Variants in CEP135 observed in about 807,000 individuals in gnomAD.
The protein encoded by CEP135 is centrosomal protein 135.
CEP135 carries 142 observed loss-of-function variants against 157.3 expected under a neutral mutation model. That is an observed-to-expected ratio of 0.90 (90% CI 0.79 to 1.04). CEP135 has a LOEUF of 1.04. Ranked by LOEUF, CEP135 falls within the 50% of genes least tolerant of loss-of-function variation. The probability of loss-of-function intolerance (pLI) is 0.00; values close to 1 mark genes in which losing one functional copy is unlikely to be tolerated. For synonymous variants in CEP135, 396 were observed against 439.8 expected, an observed-to-expected ratio of 0.90 and a Z score of 1.25; for missense variants, 1,317 against 1,309.2, an observed-to-expected ratio of 1.01 and a Z score of -0.09.
chr4:56,023,222 A>AC (rs199723032), intron 24 of CEP135, among the ~76,000 whole-genome samples: 5 of 110,278 alleles, frequency 4.5e-5, no homozygotes, highest in East Asian at 2.7e-4. Context: ...TCCCTGTCAC[A>AC]AAAAAAAAAA....
intron 21 of CEP135, among the ~76,000 whole-genome samples, chr4:56,016,586 T>C (rs1730782219): frequency 6.6e-6 from 1 of 152,226 alleles, no homozygotes; most frequent in African/African-American, 2.4e-5. Flanking sequence ...GGAGCTTTTA[T>C]TAATGCACTA....
At chr4:56,001,581 T>C (rs2109716779) in intron 17 of CEP135, among the ~76,000 whole-genome samples, 1 of 152,288 alleles carries the variant, frequency 6.6e-6, no homozygotes, top group South Asian at 2.1e-4. Context: ...TGTGGATTTA[T>C]ATCTGGGTCC....
At position 56,024,544 on chromosome 4, in the gene CEP135, C is replaced by T. The variant is rs747031196; in HGVS notation, c.3364C>T (p.Pro1122Ser). Residue 1122 changes from proline to serine, a missense_variant, in exon 25 of 26, where the codon CCA becomes TCA. Physicochemically the swap from Pro to Ser is moderately conservative, Grantham distance 74. Transcript: ENST00000257287. ...QEMRRHGLAT[P>S]PLSSTLRSPS... is the part of the protein sequence containing the mutation. ...GATGCGTCGACATGGTCTTGCTACA[C>T]CACCCCTTAGTTCCACTCTGAGGTC... is the stretch of plus-strand genomic sequence containing the variant. 6.2e-7 allele frequency: 1 copy of T among 1,613,938 alleles called. No individual in the cohort carries two copies. The highest frequency in any genetic ancestry group is 2.2e-5 in the East Asian group (1 of 44,850).
chr4:56,014,396 A>G (rs1730699400), intron 21 of CEP135, among the ~76,000 whole-genome samples: 1 of 152,176 alleles, frequency 6.6e-6, no homozygotes, highest in African/African-American at 2.4e-5. Context: ...TGTGATGAAG[A>G]CTCAGAAGAG....
At chr4:56,004,093 T>G (rs974989695) in intron 17 of CEP135, among the ~76,000 whole-genome samples, 2 of 152,218 alleles carry the variant, frequency 1.3e-5, no homozygotes, top group African/African-American at 4.8e-5. Flanking sequence ...TTTCACAGAT[T>G]TTGGTACATT....
chr4:55,993,983 G>T (rs959385023), intron 15 of CEP135, among the ~76,000 whole-genome samples: 1 of 152,030 alleles, frequency 6.6e-6, no homozygotes, highest in Non-Finnish European at 1.5e-5. Flanking sequence ...ACTTTATTTT[G>T]CTCTAACAGA....
chr4:55,990,953 A>C (rs1169255087), intron 14 of CEP135, among the ~76,000 whole-genome samples: 1 of 152,004 alleles, frequency 6.6e-6, no homozygotes, highest in Non-Finnish European at 1.5e-5. Flanking sequence ...TTTGTATGTG[A>C]AATCTTCACT....
At chr4:55,959,955 A>C (rs1226649552) in intron 6 of CEP135, 189 bp downstream of exon 6, 3 of 613,138 alleles carry the variant, frequency 4.9e-6, no homozygotes, top group African/African-American at 3.7e-5. Context: ...CTGTCTCTTC[A>C]AAAAATTTAA....
chr4:55,981,861 C>T (rs899005726), intron 13 of CEP135, among the ~76,000 whole-genome samples: 1 of 152,146 alleles, frequency 6.6e-6, no homozygotes, highest in South Asian at 2.1e-4. Context: ...AAATGTAAGT[C>T]GGAAAAAATG....
At chr4:55,974,262 T>C (rs1337904586) in intron 10 of CEP135, among the ~76,000 whole-genome samples, 1 of 152,216 alleles carries the variant, frequency 6.6e-6, no homozygotes, top group African/African-American at 2.4e-5. Flanking sequence ...ATTGCCAGTA[T>C]TTGATTACTT....
intron 25 of CEP135, among the ~76,000 whole-genome samples, chr4:56,025,021 C>A (rs969574133): frequency 7.2e-5 from 11 of 151,932 alleles, no homozygotes; most frequent in Non-Finnish European, 1.6e-4. Context: ...CACCTGTAGT[C>A]CCAGGTACCA....
At position 55,999,655 on chromosome 4, in the gene CEP135, C is replaced by A. The variant is rs534671581; in HGVS notation, c.2280+10C>A. 1.9e-6 allele frequency: 3 copies of A among 1,577,726 alleles called. No individual in the cohort carries two copies. The South Asian group carries it at 3.5e-5, about 19-fold the overall frequency. On this transcript the variant is annotated intron_variant, in intron 17 of 25. Transcript: ENST00000257287. ...AAACCTAGCTAATAAAGTATGTGAT[C>A]GTTTAATGTAATTTTCCAGCATCCA... is the stretch of plus-strand genomic sequence containing the variant.
In CEP135 at chr4:55,986,378, C is replaced by CA. The variant is rs201911255; in HGVS notation, c.1857+1026dup. Among the ~76,000 whole-genome samples, 772 of 152,120 alleles carry CA rather than the reference C, an allele frequency of 5.1e-3. 9 individuals carry two copies. Among genetic ancestry groups the CA allele is most frequent in the African/African-American group, 0.018 (727 of 41,504 alleles). ...GTAAGATAGTGATACCCCATCTCTA[C>CA]AAAAAATTTACAAATTGGCCAGGCA... On this transcript the variant is annotated intron_variant, in intron 14 of 25. Coordinates refer to ENST00000257287, the MANE Select transcript of CEP135 (RefSeq NM_025009.5).
At position 55,975,566 on chromosome 4, in the gene CEP135, A is replaced by G. The variant is rs1729176494; in HGVS notation, c.1473+597A>G. On this transcript the variant is annotated intron_variant, in intron 11 of 25. Transcript: ENST00000257287. ...GCATCTCCCAATGTGTGTATTATTTAAAGTTGACCATGATTCATGAGAGAT... is the reference window on the plus strand; with the variant it reads ...GCATCTCCCAATGTGTGTATTATTTGAAGTTGACCATGATTCATGAGAGAT... Among the ~76,000 whole-genome samples, 5 of 152,228 alleles carry G rather than the reference A, an allele frequency of 3.3e-5. No homozygotes were observed. The South Asian group carries it at 1.0e-3, about 31-fold the overall frequency.
Position 56,032,537 on chromosome 4 carries a change from C to G in CEP135, c.*1189C>G, listed in dbSNP as rs1731391631. 6.6e-6 allele frequency: 1 copy of G among 151,862 alleles called. No homozygotes were observed. Among genetic ancestry groups the G allele is most frequent in the Non-Finnish European group, 1.5e-5 (1 of 67,970 alleles). 9.4% of individuals were successfully genotyped at this position (151,862 alleles called of 1,614,324 possible). A position where few individuals can be genotyped will look rare whatever the true frequency, so the allele number is the denominator to read the frequency against. Reference sequence around the variant, plus strand: ...ATTCAGTGATACCACTCTTTTTCTTCTAAGCCTGTGTGTTATAATTTACCA... The same window carrying G: ...ATTCAGTGATACCACTCTTTTTCTTGTAAGCCTGTGTGTTATAATTTACCA... On this transcript the variant is annotated 3_prime_UTR_variant, in exon 26 of 26. Transcript: ENST00000257287.
chr4:55,993,466 T>C (rs955474123), intron 15 of CEP135, among the ~76,000 whole-genome samples: 4 of 152,348 alleles, frequency 2.6e-5, no homozygotes, highest in Admixed American at 6.5e-5. Flanking sequence ...TTCTTTTGCT[T>C]CTCTGACGAT....
At chr4:55,996,921 A>C (rs1729988667) in intron 15 of CEP135, among the ~76,000 whole-genome samples, 1 of 152,178 alleles carries the variant, frequency 6.6e-6, no homozygotes, top group Admixed American at 6.5e-5. Context: ...CATGTAATAC[A>C]ATATAACTGA....
chr4:55,960,475 T>C (rs1179361577), intron 6 of CEP135: 3 of 152,284 alleles, frequency 2.0e-5, no homozygotes, highest in Admixed American at 6.5e-5. Context: ...TTTCTTAATA[T>C]GCTTCTTGAA....
At chr4:56,023,650 A>G (rs1731043304) in intron 24 of CEP135, among the ~76,000 whole-genome samples, 1 of 143,932 alleles carries the variant, frequency 6.9e-6, no homozygotes, top group Non-Finnish European at 1.5e-5. Context: ...TATATAATAC[A>G]TATAATATAT....
Sources: gnomAD v4.1 joint callset for allele counts (sites outside exome capture counted in the v4.1 genomes callset) on GRCh38, gnomAD v4.1.1 for gene constraint, MANE v1.5 for transcripts, NCBI Gene and HGNC (gene_info 2026-07-23, HGNC 2026-07-21) for gene names.